Variants in CSF1R observed in about 807,000 individuals in gnomAD.
CSF1R encodes the protein colony stimulating factor 1 receptor, also known as macrophage colony-stimulating factor 1 receptor.
CSF1R carries 40 observed loss-of-function variants against 110.0 expected under a neutral mutation model. The ratio of observed to expected loss-of-function variants is 0.36; its 90% CI spans 0.28 to 0.47. The LOEUF (loss-of-function observed/expected upper bound fraction) is 0.47, where lower values mean the gene tolerates loss of function less well. Among genes scored for constraint, CSF1R ranks in the 20% least tolerant of loss-of-function variants. The pLI is 0.99. For missense variants in CSF1R, 1,052 were observed against 1,253.0 expected (o/e 0.84, Z 2.42); for synonymous variants, 523 against 503.4 (o/e 1.04, Z -0.52).
chr5:150,053,998 C>T lies in CSF1R; in HGVS notation c.*71G>A. ...CGAAGGCAGAGTTTGTATGTTCTCCCCGTGTCGCCCCATCCATGGAGGAGT... is the reference window on the plus strand; with the variant it reads ...CGAAGGCAGAGTTTGTATGTTCTCCTCGTGTCGCCCCATCCATGGAGGAGT... On this transcript the variant is annotated 3_prime_UTR_variant, in exon 21 of 21. Coordinates refer to ENST00000675795, the MANE Select transcript of CSF1R (RefSeq NM_001288705.3). The T allele has an allele frequency of 6.8e-7, 1 of 1,462,168 alleles. No homozygotes were observed. The highest frequency in any genetic ancestry group is 9.5e-7 in the Non-Finnish European group (1 of 1,057,126). The allele number at this position is 1,462,168 out of a possible 1,614,324, so 90.6% of individuals were successfully genotyped here.
At chr5:150,091,852 C>CAAAAAAAAA (rs57967086) in intron 1 of CSF1R, among the ~76,000 whole-genome samples, 2 of 71,230 alleles carry the variant, frequency 2.8e-5, no homozygotes, top group Admixed American at 1.9e-4. Context: ...CCCATACTAC[C>CAAAAAAAAA]AAAAAAAAAA....
chr5:150,102,753 T>C (rs1759445210), intron 1 of CSF1R, among the ~76,000 whole-genome samples: 1 of 152,258 alleles, frequency 6.6e-6, no homozygotes, highest in Non-Finnish European at 1.5e-5. Flanking sequence ...GTGCTGGGAT[T>C]ATAGGCATGA....
At chr5:150,108,894 G>T (rs1012114176) in intron 1 of CSF1R, among the ~76,000 whole-genome samples, 4 of 152,128 alleles carry the variant, frequency 2.6e-5, no homozygotes, top group African/African-American at 4.8e-5. Flanking sequence ...CTGGGAGGGG[G>T]TGGTACAGGG....
chr5:150,073,081 G>A (rs1451845537), intron 6 of CSF1R, among the ~76,000 whole-genome samples: 1 of 152,170 alleles, frequency 6.6e-6, no homozygotes, highest in East Asian at 1.9e-4. Context: ...ACTATCCCAA[G>A]GATGTGGGAT....
At chr5:150,105,380 A>AT (rs1327085829) in intron 1 of CSF1R, among the ~76,000 whole-genome samples, 5 of 85,844 alleles carry the variant, frequency 5.8e-5, no homozygotes, top group East Asian at 2.6e-4. Flanking sequence ...ATATATATAT[A>AT]TATATTTTTT....
intron 6 of CSF1R, among the ~76,000 whole-genome samples, chr5:150,071,283 T>C (rs1561926641): frequency 6.6e-6 from 1 of 152,200 alleles, no homozygotes; most frequent in South Asian, 2.1e-4. Flanking sequence ...AATTTTTTGT[T>C]TTATTCTTTC....
intron 1 of CSF1R, among the ~76,000 whole-genome samples, chr5:150,112,417 T>C (rs1759748834): frequency 6.6e-6 from 1 of 152,130 alleles, no homozygotes; most frequent in African/African-American, 2.4e-5. Context: ...TCAACCTTTG[T>C]CTTAGTGTGG....
intron 1 of CSF1R, among the ~76,000 whole-genome samples, chr5:150,103,928 C>T (rs187727623): frequency 5.7e-4 from 87 of 152,188 alleles, no homozygotes; most frequent in Non-Finnish European, 9.4e-4. Context: ...TAGAGGGGTG[C>T]ACCTCCAAGT....
intron 5 of CSF1R, among the ~76,000 whole-genome samples, chr5:150,076,137 C>T (rs1450913786): frequency 1.3e-5 from 2 of 152,174 alleles, no homozygotes; most frequent in Admixed American, 6.5e-5. Flanking sequence ...TCATCCTTAT[C>T]TCCTTTCTCT....
chr5:150,060,980 G>A lies in CSF1R; in HGVS notation c.1859-8C>T. 2.5e-6 allele frequency: 4 copies of A among 1,581,760 alleles called. No individual in the cohort carries two copies. The highest frequency in any genetic ancestry group is 3.4e-6 in the Non-Finnish European group (4 of 1,160,708). On this transcript the variant is annotated splice_region_variant and splice_polypyrimidine_tract_variant and intron_variant, in intron 12 of 20. Transcript: ENST00000675795. ...CATCAGCATGGGCCGTGGCTGGGAG[G>A]AAGAACCACAGTCCCAAAGACAGGG...
rs770810316 is a variant in CSF1R at position 150,080,166 on chromosome 5, G to A, written c.478C>T (p.His160Tyr). ...TTGGCCCTGTGGATGGTGAAGCCATGCCAGGGCGAGAAGGAGTAGTTGGTG... is the reference window on the plus strand; with the variant it reads ...TTGGCCCTGTGGATGGTGAAGCCATACCAGGGCGAGAAGGAGTAGTTGGTG... Reference protein sequence around the residue: ...RHTNYSFSPWHGFTIHRAKFI... With the variant: ...RHTNYSFSPWYGFTIHRAKFI... Residue 160 changes from histidine to tyrosine, a missense_variant, in exon 3 of 21, where the codon CAT becomes TAT. His to Tyr is a moderately conservative substitution (Grantham distance 83). Coordinates refer to ENST00000675795, the MANE Select transcript of CSF1R (RefSeq NM_001288705.3). The A allele has an allele frequency of 2.5e-6, 4 of 1,613,832 alleles. No homozygotes were observed. In the South Asian group the frequency reaches 4.4e-5, roughly 18 times the overall value.
chr5:150,079,157 G>T (rs1390414067), intron 3 of CSF1R, among the ~76,000 whole-genome samples: 2 of 152,164 alleles, frequency 1.3e-5, no homozygotes, highest in Non-Finnish European at 2.9e-5. Context: ...GCAGAACTAG[G>T]GCCCAGGACC....
At chr5:150,094,307 G>A in intron 1 of CSF1R, 3 of 1,577,696 alleles carry the variant, frequency 1.9e-6, no homozygotes, top group Non-Finnish European at 1.7e-6. Context: ...GAACCATGGA[G>A]GGTGTAGAAG....
intron 1 of CSF1R, among the ~76,000 whole-genome samples, chr5:150,097,031 G>A (rs1014190139): frequency 1.3e-5 from 2 of 152,192 alleles, no homozygotes; most frequent in Non-Finnish European, 2.9e-5. Context: ...GGGGGCCAAC[G>A]TAGGAGGATC....
At chr5:150,108,940 G>T (rs1414687577) in intron 1 of CSF1R, among the ~76,000 whole-genome samples, 1 of 152,114 alleles carries the variant, frequency 6.6e-6, no homozygotes, top group African/African-American at 2.4e-5. Context: ...CCAGGTCCCT[G>T]CCCCAGGCCA....
intron 1 of CSF1R, among the ~76,000 whole-genome samples, chr5:150,102,196 G>A (rs951300712): frequency 3.3e-5 from 5 of 152,114 alleles, no homozygotes; most frequent in Non-Finnish European, 7.4e-5. Context: ...TTAAAACATG[G>A]AGATATTGTT....
At chr5:150,065,693 G>A (rs946276881) in intron 10 of CSF1R, among the ~76,000 whole-genome samples, 50 of 151,714 alleles carry the variant, frequency 3.3e-4, no homozygotes, top group African/African-American at 1.1e-3. Flanking sequence ...TGGACACCTC[G>A]GCCTGGAGCT....
intron 1 of CSF1R, among the ~76,000 whole-genome samples, chr5:150,081,297 G>A (rs1284260317): frequency 3.3e-5 from 5 of 152,112 alleles, no homozygotes; most frequent in Non-Finnish European, 5.9e-5. Context: ...TGTCCCCCTG[G>A]GGTCCTCAGC....
chr5:150,109,061 C>CCCCG (rs1759637169), intron 1 of CSF1R, among the ~76,000 whole-genome samples: 1 of 48,210 alleles, frequency 2.1e-5, no homozygotes, highest in African/African-American at 6.2e-5. Flanking sequence ...GAAGCCCGCC[C>CCCCG]CCCCCCCACC....
Sources: allele counts gnomAD v4.1 joint callset (sites outside exome capture counted in the v4.1 genomes callset), GRCh38; gene constraint gnomAD v4.1.1; transcripts MANE v1.5; gene names NCBI Gene and HGNC (gene_info 2026-07-23, HGNC 2026-07-21).